CDK12: variants seen among roughly 807,000 people sequenced by gnomAD.
The protein encoded by CDK12 is cyclin-dependent kinase 12.
Under a neutral mutation model 133.8 loss-of-function variants are expected in CDK12, and 17 were observed. That is an observed-to-expected ratio of 0.13 (90% CI 0.09 to 0.19). The LOEUF (loss-of-function observed/expected upper bound fraction) is 0.19. Ranked by LOEUF, CDK12 falls within the 10% of genes least tolerant of loss-of-function variation. CDK12 has a pLI of 1.00. For synonymous variants in CDK12, 694 were observed against 683.6 expected (o/e 1.02, Z -0.24); for missense variants, 1,508 against 1,818.7 (o/e 0.83, Z 3.11).
At position 39,470,932 on chromosome 17, in the gene CDK12, C is replaced by G. The variant is rs376212098; in HGVS notation, c.1100C>G (p.Ser367Cys). Residue 367 changes from serine (S) to cysteine (C), a missense_variant, in exon 2 of 14, where the codon TCT becomes TGT. Ser to Cys is a moderately radical substitution (Grantham distance 112). Transcript: ENST00000447079. Reference sequence around the variant, plus strand: ...AGTCCTGCATATTCAAGACATTCATCTTCTCATAGTAAAAAGAAGAGATCC... The same window carrying G: ...AGTCCTGCATATTCAAGACATTCATGTTCTCATAGTAAAAAGAAGAGATCC... ...SRSPAYSRHSSSHSKKKRSSS... is the reference protein window; with the variant it reads ...SRSPAYSRHSCSHSKKKRSSS... 1.4e-5 allele frequency: 22 copies of G among 1,612,750 alleles called. No homozygotes were observed. In the East Asian group the frequency reaches 4.9e-4, roughly 36 times the overall value.
At chr17:39,485,062 C>T (rs899452998) in intron 2 of CDK12, among the ~76,000 whole-genome samples, 55 of 150,172 alleles carry the variant, frequency 3.7e-4, no homozygotes, top group African/African-American at 1.1e-3. Context: ...CCCAGCTACT[C>T]GGGAGGCTGA....
At chr17:39,544,777 T>C (rs1198933347), upstream of CDK12, among the ~76,000 whole-genome samples, 4 of 151,964 alleles carry the variant, frequency 2.6e-5, no homozygotes, top group Non-Finnish European at 5.9e-5. Context: ...GTTACAGGCA[T>C]GCACCACCAC....
chr17:39,469,915 G>C (rs531948705), intron 1 of CDK12, among the ~76,000 whole-genome samples: 4 of 152,212 alleles, frequency 2.6e-5, no homozygotes, highest in Non-Finnish European at 4.4e-5. Context: ...GGGATTACAG[G>C]CGTGAGCCAC....
chr17:39,506,389 A>G (rs2053129778), intron 6 of CDK12, among the ~76,000 whole-genome samples: 1 of 151,518 alleles, frequency 6.6e-6, no homozygotes, highest in Non-Finnish European at 1.5e-5. Flanking sequence ...TAATTTTTGT[A>G]TTTTTAGTAG....
intron 2 of CDK12, among the ~76,000 whole-genome samples, chr17:39,481,460 A>G (rs1392311540): frequency 1.3e-5 from 2 of 149,696 alleles, no homozygotes; most frequent in South Asian, 2.1e-4. Context: ...ATCACAAGCC[A>G]TGCCCGGCTG....
chr17:39,489,609 C>T (rs963301584), intron 2 of CDK12, among the ~76,000 whole-genome samples: 4 of 151,472 alleles, frequency 2.6e-5, no homozygotes, highest in Non-Finnish European at 5.9e-5. Context: ...TCTCCTGCCT[C>T]AGCCTCCTGA....
At chr17:39,513,630 A>G (rs1226583722) in intron 8 of CDK12, among the ~76,000 whole-genome samples, 1 of 152,212 alleles carries the variant, frequency 6.6e-6, no homozygotes, top group Non-Finnish European at 1.5e-5. Flanking sequence ...GCAGTAGCAA[A>G]GTGTTGATTA....
chr17:39,531,741 TTTTAA>T lies in CDK12; in HGVS notation c.*430_*434del. ...TTGTGTGTGGTTTCTTTCTTTTGAA[TTTTAA>T]TTTAGGTGTTTTGGGTTTTTTTCCT... On this transcript the variant is annotated 3_prime_UTR_variant, in exon 14 of 14. Transcript: ENST00000447079. 1 of 238,870 alleles carries T rather than the reference TTTTAA, an allele frequency of 4.2e-6. No homozygotes were observed. Among genetic ancestry groups the T allele is most frequent in the Non-Finnish European group, 8.2e-6 (1 of 121,720 alleles). 14.8% of individuals were successfully genotyped at this position (238,870 alleles called of 1,614,324 possible). A position where few individuals can be genotyped will look rare whatever the true frequency, so the allele number is the denominator to read the frequency against.
At position 39,533,820 on chromosome 17, in the gene CDK12, C is replaced by T. The variant is rs769901155; in HGVS notation, c.*2504C>T. On this transcript the variant is annotated 3_prime_UTR_variant, in exon 14 of 14. Coordinates refer to ENST00000447079, the MANE Select transcript of CDK12 (RefSeq NM_016507.4). ...GAGAAAAAAAAACTTATTTAAATAT[C>T]CTGGAATCTGTATGGAGGAAGAAAA... The T allele has an allele frequency of 8.6e-6, 2 of 231,900 alleles. No homozygotes were observed. The highest frequency in any genetic ancestry group is 1.7e-5 in the Non-Finnish European group (2 of 117,372). 14.4% of individuals were successfully genotyped at this position (231,900 alleles called of 1,614,324 possible).
rs1483826209 is a variant in CDK12, at chr17:39,462,616, A to G, written c.545A>G (p.Glu182Gly). 1 of 1,614,170 alleles carries G rather than the reference A, an allele frequency of 6.2e-7. No homozygotes were observed. Among genetic ancestry groups the G allele is most frequent in the Non-Finnish European group, 8.5e-7 (1 of 1,180,044 alleles). Residue 182 changes from glutamate to glycine, a missense_variant, in exon 1 of 14, where the codon GAG (glutamate) becomes GGG (glycine). This residue lies in a region of CDK12 where 460 missense variants were observed against 490.8 expected (regional missense o/e 0.94). Coordinates refer to ENST00000447079, the MANE Select transcript of CDK12 (RefSeq NM_016507.4). Reference sequence around the variant, plus strand: ...TCCAGGTCATCCAAGCTCCACAAGGAGAAGACCAGGAAAGAACGGGAGCTG... The same window carrying G: ...TCCAGGTCATCCAAGCTCCACAAGGGGAAGACCAGGAAAGAACGGGAGCTG... ...KESRSSKLHKEKTRKERELKS... is the reference protein window; with the variant it reads ...KESRSSKLHKGKTRKERELKS...
chr17:39,473,187 C>G (rs117434760), intron 2 of CDK12, among the ~76,000 whole-genome samples: 2,088 of 151,942 alleles, frequency 0.014, 23 homozygotes, highest in Middle Eastern at 0.034. Context: ...AAATAACTCA[C>G]AAAATGTCTT....
chr17:39,486,253 C>CTTTTTTTT (rs35710234), intron 2 of CDK12, among the ~76,000 whole-genome samples: 2 of 86,534 alleles, frequency 2.3e-5, no homozygotes, highest in East Asian at 3.4e-4. Context: ...CACCCTGCCT[C>CTTTTTTTT]TTTTTTTTTT....
At position 39,526,277 on chromosome 17, in the gene CDK12, C is replaced by A; in HGVS notation, c.3721C>A (p.Pro1241Thr). Reference protein sequence around the residue: ...NSDKNSGPQGPRRTPTMPQEE... With the variant: ...NSDKNSGPQGTRRTPTMPQEE... ...TGACAAGAACAGTGGGCCACAGGGG[C>A]CCCGAAGAACTCCCACAATGCCACA... The change falls in exon 13 of 14, where the codon CCC becomes ACC. Residue 1241 changes from proline (P) to threonine (T), a missense_variant. Pro to Thr is a conservative substitution (Grantham distance 38). Coordinates refer to ENST00000447079, the MANE Select transcript of CDK12 (RefSeq NM_016507.4). The A allele has an allele frequency of 6.2e-7, 1 of 1,602,876 alleles. No homozygotes were observed. The highest frequency in any genetic ancestry group is 8.5e-7 in the Non-Finnish European group (1 of 1,175,178).
intron 13 of CDK12, among the ~76,000 whole-genome samples, chr17:39,528,399 T>C (rs1463825425): frequency 6.6e-6 from 1 of 152,142 alleles, no homozygotes; most frequent in African/African-American, 2.4e-5. Flanking sequence ...AGTGGCGTGA[T>C]CTCAGCTCAT....
chr17:39,487,797 T>C (rs773933191), intron 2 of CDK12, among the ~76,000 whole-genome samples: 2 of 151,938 alleles, frequency 1.3e-5, no homozygotes, highest in Non-Finnish European at 1.5e-5. Context: ...CTTTATTTAA[T>C]AGAGATGAGG....
chr17:39,488,757 T>G (rs1261978250), intron 2 of CDK12, among the ~76,000 whole-genome samples: 1 of 152,090 alleles, frequency 6.6e-6, no homozygotes, highest in African/African-American at 2.4e-5. Flanking sequence ...ATTTTTAAAT[T>G]TTTTATTTTT....
intron 1 of CDK12, among the ~76,000 whole-genome samples, chr17:39,468,467 T>G (rs995705895): frequency 2.6e-5 from 4 of 152,052 alleles, no homozygotes; most frequent in African/African-American, 9.7e-5. Flanking sequence ...GCTTTTAATA[T>G]TTTTATTTTA....
intron 8 of CDK12, 66 bp from the exon 9 acceptor site, chr17:39,515,665 T>A (rs2053757529): frequency 1.0e-5 from 11 of 1,056,798 alleles, no homozygotes; most frequent in Middle Eastern, 2.1e-4. Flanking sequence ...ATGTAAAAAT[T>A]TTTTGAGACA....
At chr17:39,477,574 ATT>A (rs200567677) in intron 2 of CDK12, among the ~76,000 whole-genome samples, 9 of 133,486 alleles carry the variant, frequency 6.7e-5, no homozygotes, top group African/African-American at 2.6e-4. Flanking sequence ...TTTATTATTT[ATT>A]TTTTTTTTTT....
Sources: allele counts gnomAD v4.1 joint callset (sites outside exome capture counted in the v4.1 genomes callset), GRCh38; gene constraint gnomAD v4.1.1; regional missense constraint gnomAD v4.1.1; transcripts MANE v1.5; gene names NCBI Gene and HGNC (gene_info 2026-07-23, HGNC 2026-07-21).